The following NRXN3 variants were observed in gnomAD, a reference collection of about 807,000 sequenced individuals.
The protein encoded by NRXN3 is neurexin 3.
In NRXN3, 32 loss-of-function variants were observed where a neutral mutation model predicts 137.6. The ratio of observed to expected loss-of-function variants is 0.23; its 90% CI spans 0.18 to 0.31. NRXN3 has a LOEUF of 0.31. Among genes scored for constraint, NRXN3 ranks in the 10% least tolerant of loss-of-function variants. NRXN3 has a pLI of 1.00. For synonymous variants in NRXN3, 798 were observed against 784.5 expected (o/e 1.02, Z -0.29); for missense variants, 1,574 against 2,062.5 (o/e 0.76, Z 4.59).
intron 2 of NRXN3, among the ~76,000 whole-genome samples, chr14:78,253,240 T>A (rs750371671): frequency 6.6e-6 from 1 of 152,230 alleles, no homozygotes; most frequent in Non-Finnish European, 1.5e-5. Flanking sequence ...GAGATTCTGG[T>A]GTTGCAGGAG....
chr14:78,442,601 C>T (rs1246323397), intron 4 of NRXN3, among the ~76,000 whole-genome samples: 1 of 152,194 alleles, frequency 6.6e-6, no homozygotes, highest in Non-Finnish European at 1.5e-5. Context: ...AAAGGGAAGA[C>T]AGGGAGAGGC....
chr14:79,181,681 CA>C (rs10658164), intron 15 of NRXN3, among the ~76,000 whole-genome samples: 2,111 of 97,488 alleles, frequency 0.022, 23 homozygotes, highest in African/African-American at 0.053. Context: ...GACCCTGTCT[CA>C]AAAAAAAAAA....
At chr14:79,381,286 A>G (rs2094463471) in intron 15 of NRXN3, among the ~76,000 whole-genome samples, 1 of 151,126 alleles carries the variant, frequency 6.6e-6, no homozygotes, top group Admixed American at 6.6e-5. Context: ...TTTCAAGAGG[A>G]GAGGTATATA....
At chr14:78,963,341 T>C (rs1171512730) in intron 11 of NRXN3, among the ~76,000 whole-genome samples, 1 of 152,148 alleles carries the variant, frequency 6.6e-6, no homozygotes, top group African/African-American at 2.4e-5. Flanking sequence ...CATTCTGACT[T>C]CTTAGTTCTC....
intron 15 of NRXN3, among the ~76,000 whole-genome samples, chr14:79,373,470 A>G (rs571788904): frequency 6.6e-6 from 1 of 152,346 alleles, no homozygotes; most frequent in Non-Finnish European, 1.5e-5. Flanking sequence ...CGTGGCAATA[A>G]AAGATTCCGG....
chr14:79,094,973 A>AGTGTGTGTGTGT (rs1442448952), intron 15 of NRXN3, among the ~76,000 whole-genome samples: 52 of 94,756 alleles, frequency 5.5e-4, no homozygotes, highest in African/African-American at 1.8e-3. Context: ...AGAGAGAGAG[A>AGTGTGTGTGTGT]GAGAGAGTGT....
rs142926783 is a variant in NRXN3, at chr14:79,209,804, T to C, written c.3262+221663T>C. On this transcript the variant is annotated intron_variant, in intron 15 of 20. Transcript: ENST00000335750. ...TGAATGAGTGATGAATGAATAAATA[T>C]TGGTCCTCTTAAATCCCAAAGTCCT... Among the ~76,000 whole-genome samples, 297 of 152,282 alleles carry C rather than the reference T, an allele frequency of 2.0e-3. 5 individuals are homozygous for C. The highest frequency in any genetic ancestry group is 6.9e-3 in the African/African-American group (288 of 41,572).
chr14:78,828,179 G>A (rs763092548), intron 10 of NRXN3, among the ~76,000 whole-genome samples: 3 of 152,168 alleles, frequency 2.0e-5, no homozygotes, highest in Non-Finnish European at 4.4e-5. Flanking sequence ...CGATCCAAGT[G>A]CTACCAGAGA....
chr14:78,217,383 G>C (rs1444212155), intron 1 of NRXN3, among the ~76,000 whole-genome samples: 1 of 152,136 alleles, frequency 6.6e-6, no homozygotes, highest in Non-Finnish European at 1.5e-5. Flanking sequence ...TCTCAACCAG[G>C]ACAGTTTTGG....
At chr14:79,639,680 C>T (rs1603303506) in intron 16 of NRXN3, among the ~76,000 whole-genome samples, 1 of 152,264 alleles carries the variant, frequency 6.6e-6, no homozygotes, top group African/African-American at 2.4e-5. Context: ...GAGGGCCAAC[C>T]TCTTGAATCA....
At chr14:78,437,133 G>A (rs67217620) in intron 4 of NRXN3, among the ~76,000 whole-genome samples, 15,234 of 152,096 alleles carry the variant, frequency 0.1, 1,018 homozygotes, top group African/African-American at 0.17. Context: ...ACAGCACAGT[G>A]CCTGACATGG....
At chr14:78,748,503 G>A (rs1186761580) in intron 8 of NRXN3, among the ~76,000 whole-genome samples, 2 of 152,128 alleles carry the variant, frequency 1.3e-5, no homozygotes, top group African/African-American at 4.8e-5. Flanking sequence ...TATTGAAAGA[G>A]CTAAATGAGG....
intron 4 of NRXN3, among the ~76,000 whole-genome samples, chr14:78,556,058 C>A (rs1264010937): frequency 6.6e-6 from 1 of 152,214 alleles, no homozygotes; most frequent in East Asian, 1.9e-4. Flanking sequence ...CTTTCACAGA[C>A]CAGCCCTGCC....
intron 4 of NRXN3, among the ~76,000 whole-genome samples, chr14:78,487,411 G>A (rs998329012): frequency 1.2e-4 from 18 of 152,080 alleles, no homozygotes; most frequent in Admixed American, 4.6e-4. Flanking sequence ...CCAAGGAAAT[G>A]TTTGTCTTAG....
chr14:78,482,547 A>G (rs1434845984), intron 4 of NRXN3, among the ~76,000 whole-genome samples: 1 of 152,180 alleles, frequency 6.6e-6, no homozygotes, highest in Non-Finnish European at 1.5e-5. Flanking sequence ...ACCTCAATAA[A>G]TACCTGTCAA....
At chr14:79,030,251 T>C (rs1032592877) in intron 15 of NRXN3, among the ~76,000 whole-genome samples, 1 of 151,868 alleles carries the variant, frequency 6.6e-6, no homozygotes, top group Non-Finnish European at 1.5e-5. Context: ...CCCAACATAA[T>C]TGTCACAATA....
intron 16 of NRXN3, among the ~76,000 whole-genome samples, chr14:79,529,315 T>G (rs1024517734): frequency 6.6e-6 from 1 of 152,176 alleles, no homozygotes; most frequent in Non-Finnish European, 1.5e-5. Context: ...CTATACAATG[T>G]CTGGAATCTA....
chr14:78,502,221 T>C (rs2095892359), intron 4 of NRXN3, among the ~76,000 whole-genome samples: 1 of 152,136 alleles, frequency 6.6e-6, no homozygotes, highest in South Asian at 2.1e-4. Flanking sequence ...ATTTCCCAGC[T>C]CCTTCTCCCA....
intron 3 of NRXN3, among the ~76,000 whole-genome samples, chr14:78,296,554 G>A (rs118081669): frequency 6.6e-6 from 1 of 152,252 alleles, no homozygotes; most frequent in Non-Finnish European, 1.5e-5. Flanking sequence ...AACAAATCAT[G>A]AAAATGACTT....
Sources: allele counts gnomAD v4.1 joint callset (sites outside exome capture counted in the v4.1 genomes callset), GRCh38; gene constraint gnomAD v4.1.1; transcripts MANE v1.5; gene names NCBI Gene and HGNC (gene_info 2026-07-23, HGNC 2026-07-21).